Variants in CCSER1 observed in about 807,000 individuals in gnomAD.
The protein encoded by CCSER1 is serine-rich coiled-coil domain-containing protein 1.
CCSER1 carries 41 observed loss-of-function variants against 82.0 expected under a neutral mutation model. That is an observed-to-expected ratio of 0.50 (90% confidence interval 0.39 to 0.65). The LOEUF is 0.65. Among genes scored for constraint, CCSER1 ranks in the 30% least tolerant of loss-of-function variants. CCSER1 has a pLI of 0.00. For missense variants in CCSER1, 1,119 were observed against 1,064.2 expected, an observed-to-expected ratio of 1.05 and a Z score of -0.72; for synonymous variants, 414 against 383.9, an observed-to-expected ratio of 1.08 and a Z score of -0.92.
chr4:90,645,711 G>A (rs1327665074), intron 6 of CCSER1, among the ~76,000 whole-genome samples: 1 of 152,084 alleles, frequency 6.6e-6, no homozygotes, highest in East Asian at 1.9e-4. Flanking sequence ...ATCTAATTTA[G>A]TACCTACTGA....
intron 1 of CCSER1, among the ~76,000 whole-genome samples, chr4:90,275,889 C>A (rs1409966134): frequency 4.6e-5 from 7 of 152,052 alleles, no homozygotes; most frequent in Non-Finnish European, 1.5e-5. Flanking sequence ...AATGAAATAT[C>A]AATAGACCTT....
intron 3 of CCSER1, among the ~76,000 whole-genome samples, chr4:90,378,812 A>G (rs1254808326): frequency 1.3e-5 from 2 of 152,190 alleles, no homozygotes; most frequent in Admixed American, 6.6e-5. Flanking sequence ...TTGTTTTACA[A>G]TTGAGACATG....
chr4:91,517,899 A>G (rs1385242901), intron 10 of CCSER1, among the ~76,000 whole-genome samples: 1 of 150,432 alleles, frequency 6.6e-6, no homozygotes, highest in Non-Finnish European at 1.5e-5. Flanking sequence ...TTTTGGTTTC[A>G]CAGGGGGGGT....
chr4:90,828,183 C>G (rs1266463081), intron 8 of CCSER1, among the ~76,000 whole-genome samples: 1 of 152,146 alleles, frequency 6.6e-6, no homozygotes, highest in Non-Finnish European at 1.5e-5. Context: ...CACCTATATC[C>G]AACATACCTC....
chr4:90,748,864 G>A (rs1748029339), intron 7 of CCSER1, among the ~76,000 whole-genome samples: 1 of 149,384 alleles, frequency 6.7e-6, no homozygotes, highest in African/African-American at 2.5e-5. Flanking sequence ...CATGTCCTTT[G>A]CCCACTTTTT....
chr4:90,592,758 A>G (rs1782865927), intron 5 of CCSER1, among the ~76,000 whole-genome samples: 1 of 151,964 alleles, frequency 6.6e-6, no homozygotes, highest in Admixed American at 6.6e-5. Context: ...ACAGTACGTT[A>G]TGGTTCTTTG....
intron 10 of CCSER1, among the ~76,000 whole-genome samples, chr4:91,161,502 C>A (rs192993865): frequency 2.0e-5 from 3 of 152,250 alleles, no homozygotes; most frequent in Admixed American, 2.0e-4. Context: ...GCAGTATGGC[C>A]ATTTTCATGA....
At chr4:91,366,972 TAGC>T (rs1037598398) in intron 10 of CCSER1, among the ~76,000 whole-genome samples, 2 of 151,786 alleles carry the variant, frequency 1.3e-5, no homozygotes. Context: ...ACAGGATAAT[TAGC>T]AGCAATCAAA....
chr4:91,217,163 C>A (rs62310744), intron 10 of CCSER1, among the ~76,000 whole-genome samples: 2 of 152,132 alleles, frequency 1.3e-5, no homozygotes, highest in East Asian at 1.9e-4. Context: ...TTAAAAGCAG[C>A]GTGGACCCAA....
intron 1 of CCSER1, among the ~76,000 whole-genome samples, chr4:90,196,524 C>T (rs1483654611): frequency 4.6e-5 from 7 of 152,002 alleles, no homozygotes; most frequent in Admixed American, 1.3e-4. Context: ...TTTGGGCAAA[C>T]TCTCCCAGGC....
chr4:90,775,636 A>G (rs1373786435), intron 7 of CCSER1, among the ~76,000 whole-genome samples: 1 of 152,200 alleles, frequency 6.6e-6, no homozygotes, highest in African/African-American at 2.4e-5. Context: ...AGATTTCACA[A>G]TTAATGCAGA....
intron 9 of CCSER1, among the ~76,000 whole-genome samples, chr4:91,047,984 A>G (rs575965408): frequency 6.6e-6 from 1 of 152,060 alleles, no homozygotes; most frequent in Admixed American, 6.6e-5. Flanking sequence ...TTCTTTGAGT[A>G]TAAATTTATT....
intron 1 of CCSER1, among the ~76,000 whole-genome samples, chr4:90,258,847 C>T (rs1375256078): frequency 2.6e-5 from 4 of 152,040 alleles, no homozygotes; most frequent in East Asian, 1.9e-4. Context: ...TTACACCCCT[C>T]ACTTTCTTTG....
chr4:91,159,879 T>C lies in CCSER1; in HGVS notation c.2217+73885T>C, dbSNP rs188766269. Reference sequence around the variant, plus strand: ...AATAAATATATTATGAAATCATGATTTTTAGGCAATAACTAAAGCTAACTT... The same window carrying C: ...AATAAATATATTATGAAATCATGATCTTTAGGCAATAACTAAAGCTAACTT... On this transcript the variant is annotated intron_variant, in intron 10 of 10. Coordinates refer to ENST00000509176, the MANE Select transcript of CCSER1 (RefSeq NM_001145065.2). Among the ~76,000 whole-genome samples, 3 of 152,064 alleles carry C rather than the reference T, an allele frequency of 2.0e-5. No homozygotes were observed. The East Asian group carries it at 5.8e-4, about 29-fold the overall frequency.
At chr4:90,412,431 G>A (rs879881754) in intron 4 of CCSER1, among the ~76,000 whole-genome samples, 1 of 151,084 alleles carries the variant, frequency 6.6e-6, no homozygotes, top group African/African-American at 2.4e-5. Flanking sequence ...AAACTTACAC[G>A]TTGTGCATGT....
chr4:91,153,595 A>G (rs1037123660), intron 10 of CCSER1, among the ~76,000 whole-genome samples: 1 of 151,848 alleles, frequency 6.6e-6, no homozygotes, highest in African/African-American at 2.4e-5. Context: ...TCTGATTTTT[A>G]GAGTTTTCAG....
intron 4 of CCSER1, among the ~76,000 whole-genome samples, chr4:90,429,173 A>G (rs1041744920): frequency 1.3e-5 from 2 of 151,876 alleles, no homozygotes; most frequent in African/African-American, 4.8e-5. Flanking sequence ...CTATTAATGT[A>G]AAGAAAATAA....
At chr4:91,157,606 G>A (rs896480290) in intron 10 of CCSER1, among the ~76,000 whole-genome samples, 3 of 151,964 alleles carry the variant, frequency 2.0e-5, no homozygotes, top group African/African-American at 7.2e-5. Context: ...TATGCTTCAT[G>A]TATATTTATA....
chr4:90,783,885 C>T (rs1754132689), intron 7 of CCSER1, among the ~76,000 whole-genome samples: 1 of 151,930 alleles, frequency 6.6e-6, no homozygotes, highest in Admixed American at 6.6e-5. Context: ...TTTCCCTCCC[C>T]AACTTTTTAA....
Sources: gnomAD v4.1 joint callset for allele counts (sites outside exome capture counted in the v4.1 genomes callset) on GRCh38, gnomAD v4.1.1 for gene constraint, MANE v1.5 for transcripts, NCBI Gene and HGNC (gene_info 2026-07-23, HGNC 2026-07-21) for gene names.